RALGPS1: variants seen among roughly 807,000 people sequenced by gnomAD.
RALGPS1 encodes ras-specific guanine nucleotide-releasing factor RalGPS1.
In RALGPS1, 19 loss-of-function variants were observed where a neutral mutation model predicts 78.8. That is an observed-to-expected ratio of 0.24 (90% CI 0.17 to 0.35). RALGPS1 has a LOEUF of 0.35. Among genes scored for constraint, RALGPS1 ranks in the 10% least tolerant of loss-of-function variants. RALGPS1 has a pLI of 1.00. For missense variants in RALGPS1, 454 were observed against 688.3 expected (o/e 0.66, Z 3.81); for synonymous variants, 228 against 256.3 (o/e 0.89, Z 1.06).
At chr9:127,086,319 A>T (rs1483527838) in intron 8 of RALGPS1, among the ~76,000 whole-genome samples, 1 of 152,234 alleles carries the variant, frequency 6.6e-6, no homozygotes, top group Non-Finnish European at 1.5e-5. Context: ...ACTCTTCAAC[A>T]ATATGGAGTC....
At chr9:127,013,129 A>G (rs1238779017) in intron 4 of RALGPS1, among the ~76,000 whole-genome samples, 1 of 152,200 alleles carries the variant, frequency 6.6e-6, no homozygotes, top group Non-Finnish European at 1.5e-5. Context: ...TACCAGGAAC[A>G]GCTTGAACAC....
chr9:127,041,043 G>GTGTGTGTGTT (rs1403490048), intron 5 of RALGPS1, among the ~76,000 whole-genome samples: 1 of 150,920 alleles, frequency 6.6e-6, no homozygotes, highest in East Asian at 1.9e-4. Flanking sequence ...GTGTGTGTGT[G>GTGTGTGTGTT]TGTGTGTGTG....
At chr9:127,106,051 G>T (rs1375297679) in intron 8 of RALGPS1, among the ~76,000 whole-genome samples, 2 of 152,190 alleles carry the variant, frequency 1.3e-5, no homozygotes, top group Non-Finnish European at 1.5e-5. Flanking sequence ...CTAACCAAGG[G>T]GTAGAGCATG....
chr9:127,142,306 T>C (rs1207897252), intron 8 of RALGPS1, among the ~76,000 whole-genome samples: 1 of 151,984 alleles, frequency 6.6e-6, no homozygotes, highest in Non-Finnish European at 1.5e-5. Context: ...AAAAGGGAGG[T>C]GATCATCCAC....
At position 127,196,682 on chromosome 9, in the gene RALGPS1, G is replaced by A. The variant is rs113141895; in HGVS notation, c.1195+51G>A. The A allele has an allele frequency of 1.4e-3, 2,152 of 1,506,242 alleles. 23 individuals carry two copies. The highest frequency in any genetic ancestry group is 0.01 in the African/African-American group (739 of 71,570). 93.3% of individuals were successfully genotyped at this position (1,506,242 alleles called of 1,614,324 possible). A position where few individuals can be genotyped will look rare whatever the true frequency, so the allele number is the denominator to read the frequency against. The stretch of plus-strand genomic sequence containing the variant: ...TAGGCTGGTGGGCTGTAGGCCCAGC[G>A]TGTGCTCCGTGTCTGTCTCTGTGTC... On this transcript the variant is annotated intron_variant, in intron 13 of 18. Transcript: ENST00000259351.
At chr9:126,984,002 A>G (rs1383585276) in intron 4 of RALGPS1, among the ~76,000 whole-genome samples, 6 of 152,158 alleles carry the variant, frequency 3.9e-5, no homozygotes, top group African/African-American at 1.4e-4. Flanking sequence ...CCTTCATTGT[A>G]AAGTTCCCCA....
intron 5 of RALGPS1, among the ~76,000 whole-genome samples, chr9:127,045,649 A>G (rs1483699858): frequency 6.6e-6 from 1 of 152,076 alleles, no homozygotes; most frequent in Non-Finnish European, 1.5e-5. Flanking sequence ...AGACATCAGT[A>G]TGAACTCATG....
At chr9:126,989,687 AAGGC>A (rs2042110021) in intron 4 of RALGPS1, among the ~76,000 whole-genome samples, 1 of 152,186 alleles carries the variant, frequency 6.6e-6, no homozygotes, top group South Asian at 2.1e-4. Context: ...TTTTAAGGAA[AAGGC>A]AGTTCTGGTT....
At chr9:127,013,732 AG>A (rs967380488) in intron 4 of RALGPS1, among the ~76,000 whole-genome samples, 1 of 152,022 alleles carries the variant, frequency 6.6e-6, no homozygotes, top group Non-Finnish European at 1.5e-5. Context: ...CACATCTCTA[AG>A]GGGGGCGTGC....
At chr9:127,177,981 C>T in intron 11 of RALGPS1, 3 of 1,544,208 alleles carry the variant, frequency 1.9e-6, no homozygotes, top group Non-Finnish European at 1.8e-6. Flanking sequence ...AGATGGTTCA[C>T]ATGAAGAGAC....
intron 17 of RALGPS1, chr9:127,214,082 TCCTC>T (rs1041476239): frequency 6.6e-6 from 1 of 152,154 alleles, no homozygotes; most frequent in African/African-American, 2.4e-5. Context: ...TTGAGTTTCT[TCCTC>T]CCTCAACAGT....
chr9:127,065,870 G>A (rs1485784100), intron 7 of RALGPS1, among the ~76,000 whole-genome samples: 2 of 152,158 alleles, frequency 1.3e-5, no homozygotes, highest in East Asian at 3.8e-4. Context: ...GAAATTCTCA[G>A]TTTTCAAATA....
chr9:126,993,906 C>T (rs941266919), intron 4 of RALGPS1, among the ~76,000 whole-genome samples: 9 of 152,148 alleles, frequency 5.9e-5, no homozygotes, highest in Non-Finnish European at 1.0e-4. Flanking sequence ...CTGCTGAAAC[C>T]CAGGCAAACA....
At position 126,962,126 on chromosome 9, in the gene RALGPS1, C is replaced by T. The variant is rs560376242; in HGVS notation, c.-65-99C>T. 8 of 653,610 alleles carry T rather than the reference C, an allele frequency of 1.2e-5. No homozygotes were observed. The South Asian group carries it at 1.3e-4, about 11-fold the overall frequency. The allele number at this position is 653,610 out of a possible 1,614,324, so 40.5% of individuals were successfully genotyped here. The stretch of plus-strand genomic sequence containing the variant: ...GCTTATGACCTTTCTTTAAAGGTCT[C>T]CTCTGAGATGATCTGCTCAAGTCTG... On this transcript the variant is annotated intron_variant, in intron 1 of 18. Transcript: ENST00000259351.
Position 127,200,090 on chromosome 9 carries a change from G to A in RALGPS1, c.1247+1024G>A, listed in dbSNP as rs547176664. Among the ~76,000 whole-genome samples the A allele has an allele frequency of 5.3e-5, 8 of 152,182 alleles. No homozygotes were observed. The East Asian group carries it at 1.4e-3, about 26-fold the overall frequency. ...CACACGTGGGTGTATACACTCACAC[G>A]TACATATGCATGCATGCATGTACCC... On this transcript the variant is annotated intron_variant, in intron 14 of 18. Coordinates refer to ENST00000259351, the MANE Select transcript of RALGPS1 (RefSeq NM_014636.3).
At chr9:126,940,328 A>T (rs997651958) in intron 1 of RALGPS1, among the ~76,000 whole-genome samples, 1 of 152,108 alleles carries the variant, frequency 6.6e-6, no homozygotes, top group African/African-American at 2.4e-5. Flanking sequence ...AGTCCAAGCC[A>T]CGTAAATTCT....
chr9:127,182,375 TCCCTCCCTC>T (rs1176181780), intron 11 of RALGPS1, among the ~76,000 whole-genome samples: 60,083 of 124,164 alleles, frequency 0.48, 14,339 homozygotes, highest in Non-Finnish European at 0.52. Context: ...CCTTCCTCCC[TCCCTCCCTC>T]CCTCCCTCCC....
intron 8 of RALGPS1, among the ~76,000 whole-genome samples, chr9:127,114,947 A>G (rs932483476): frequency 6.6e-6 from 1 of 152,212 alleles, no homozygotes. Context: ...GTTGAAATGT[A>G]TGGTGTGCTG....
intron 8 of RALGPS1, among the ~76,000 whole-genome samples, chr9:127,163,055 G>C (rs56057522): frequency 0.047 from 7,088 of 152,248 alleles, 239 homozygotes; most frequent in Non-Finnish European, 0.07. Flanking sequence ...TACCCAGGGA[G>C]CAAGTTGCCT....
Sources: gnomAD v4.1 joint callset for allele counts (sites outside exome capture counted in the v4.1 genomes callset) on GRCh38, gnomAD v4.1.1 for gene constraint, MANE v1.5 for transcripts, NCBI Gene and HGNC (gene_info 2026-07-23, HGNC 2026-07-21) for gene names.